Variants in GABRG3 observed in about 807,000 individuals in gnomAD.
The protein encoded by GABRG3 is gamma-aminobutyric acid receptor subunit gamma-3.
GABRG3 carries 25 observed loss-of-function variants against 48.8 expected under a neutral mutation model. The observed-to-expected ratio is 0.51, with a 90% CI of 0.37 to 0.72. The LOEUF is 0.72. GABRG3 is among the 30% of genes least tolerant of loss of function. The pLI, the probability that GABRG3 is intolerant of heterozygous loss-of-function variation, is 0.00. For synonymous variants in GABRG3, 227 were observed against 217.6 expected, an observed-to-expected ratio of 1.04 and a Z score of -0.38; for missense variants, 394 against 577.9, an observed-to-expected ratio of 0.68 and a Z score of 3.26.
chr15:27,175,827 G>C (rs1225582571), intron 3 of GABRG3, among the ~76,000 whole-genome samples: 5 of 152,136 alleles, frequency 3.3e-5, no homozygotes, highest in Non-Finnish European at 5.9e-5. Flanking sequence ...TAGTTCACCT[G>C]TAAGTGCTGG....
At chr15:27,241,787 A>G (rs1009496857) in intron 3 of GABRG3, among the ~76,000 whole-genome samples, 1 of 152,230 alleles carries the variant, frequency 6.6e-6, no homozygotes, top group Admixed American at 6.5e-5. Context: ...TTCTCACGCT[A>G]TGTCTCTTTC....
At chr15:27,353,182 C>G (rs1199346889) in intron 5 of GABRG3, among the ~76,000 whole-genome samples, 1 of 152,046 alleles carries the variant, frequency 6.6e-6, no homozygotes, top group African/African-American at 2.4e-5. Flanking sequence ...AGTAGACACA[C>G]TGGTCAGCTG....
intron 5 of GABRG3, among the ~76,000 whole-genome samples, chr15:27,353,855 T>TC (rs1894738489): frequency 1.3e-5 from 2 of 152,192 alleles, no homozygotes. Context: ...AGCCCTGGAC[T>TC]CCATTTTCTC....
At chr15:27,146,313 C>G (rs995213730) in intron 3 of GABRG3, among the ~76,000 whole-genome samples, 1 of 152,026 alleles carries the variant, frequency 6.6e-6, no homozygotes, top group Non-Finnish European at 1.5e-5. Flanking sequence ...AAAAGTTAGC[C>G]AGGTTTGATG....
Position 27,059,868 on chromosome 15 carries a change from G to C in GABRG3, c.270+33047G>C, listed in dbSNP as rs59251127. Among the ~76,000 whole-genome samples the C allele has an allele frequency of 4.1e-3, 630 of 152,292 alleles. 1 individual carries two copies. Among genetic ancestry groups the C allele is most frequent in the African/African-American group, 0.015 (618 of 41,564 alleles). On this transcript the variant is annotated intron_variant, in intron 3 of 9. Transcript: ENST00000615808. ...GGAGCTGGGAGTGCTCTTTCCTTAA[G>C]GATCTGTATTCTATTGTAGCAAAAG...
chr15:27,147,367 C>T (rs1244177174), intron 3 of GABRG3, among the ~76,000 whole-genome samples: 1 of 151,984 alleles, frequency 6.6e-6, no homozygotes, highest in East Asian at 1.9e-4. Context: ...TAGTGGTTGG[C>T]TTGTTCAATA....
At chr15:27,272,366 G>A (rs569979607) in intron 3 of GABRG3, among the ~76,000 whole-genome samples, 1 of 152,304 alleles carries the variant, frequency 6.6e-6, no homozygotes, top group African/African-American at 2.4e-5. Flanking sequence ...CCCAGACGGG[G>A]TTGTGTCATA....
chr15:27,036,111 T>C (rs1196003651), intron 3 of GABRG3, among the ~76,000 whole-genome samples: 2 of 152,236 alleles, frequency 1.3e-5, no homozygotes, highest in Non-Finnish European at 2.9e-5. Context: ...TCATGAGGCT[T>C]CAGTTTATTT....
Position 27,516,726 on chromosome 15 carries a change from AACTT to A in GABRG3, c.713-3242_713-3239del, listed in dbSNP as rs910655152. On this transcript the variant is annotated intron_variant, in intron 6 of 9. Transcript: ENST00000615808. ...TGGTGGTGGGAACTACCAGATATGG[AACTT>A]ACTAACTCTAAAATAAATGAATAAG... 7.2e-4 allele frequency among the ~76,000 whole-genome samples: 110 copies of A among 152,338 alleles called. 1 individual carries two copies. The highest frequency in any genetic ancestry group is 2.6e-3 in the African/African-American group (109 of 41,570).
At chr15:27,361,241 G>A (rs1595704105) in intron 5 of GABRG3, among the ~76,000 whole-genome samples, 1 of 152,294 alleles carries the variant, frequency 6.6e-6, no homozygotes, top group East Asian at 1.9e-4. Context: ...CAGAGCACTT[G>A]GAGTTGTGAA....
chr15:27,370,292 G>A (rs1895365836), intron 5 of GABRG3, among the ~76,000 whole-genome samples: 1 of 152,208 alleles, frequency 6.6e-6, no homozygotes, highest in African/African-American at 2.4e-5. Context: ...GGAATCTAAG[G>A]AGGATAGCAC....
At chr15:27,406,325 G>C (rs1887633139) in intron 5 of GABRG3, among the ~76,000 whole-genome samples, 1 of 152,134 alleles carries the variant, frequency 6.6e-6, no homozygotes, top group South Asian at 2.1e-4. Context: ...TCCCACATGA[G>C]TGTGGGCTGG....
intron 2 of GABRG3, among the ~76,000 whole-genome samples, chr15:27,002,735 C>A (rs1424801013): frequency 1.9e-5 from 2 of 105,804 alleles, no homozygotes; most frequent in Admixed American, 1.1e-4. Context: ...ATAGTGAGAC[C>A]GTGTCTCTCA....
intron 5 of GABRG3, among the ~76,000 whole-genome samples, chr15:27,442,266 C>G (rs1291137592): frequency 6.6e-6 from 1 of 152,204 alleles, no homozygotes; most frequent in African/African-American, 2.4e-5. Flanking sequence ...AAATCAGCTC[C>G]CCTTCATCTG....
chr15:27,130,926 A>AT (rs1206760103), intron 3 of GABRG3, among the ~76,000 whole-genome samples: 2 of 151,278 alleles, frequency 1.3e-5, no homozygotes, highest in Non-Finnish European at 3.0e-5. Context: ...CTTTGTTATT[A>AT]TTTTTTTTGG....
At chr15:27,415,569 G>T (rs1454459761) in intron 5 of GABRG3, among the ~76,000 whole-genome samples, 1 of 152,106 alleles carries the variant, frequency 6.6e-6, no homozygotes, top group East Asian at 1.9e-4. Context: ...CACTGCTCAG[G>T]TGATGAATGC....
At chr15:27,300,323 G>A (rs950305909) in intron 3 of GABRG3, among the ~76,000 whole-genome samples, 1 of 152,054 alleles carries the variant, frequency 6.6e-6, no homozygotes, top group Non-Finnish European at 1.5e-5. Flanking sequence ...ATGCCATTAT[G>A]AAGTATATGT....
intron 3 of GABRG3, among the ~76,000 whole-genome samples, chr15:27,318,436 T>C (rs1278768362): frequency 6.6e-6 from 1 of 151,936 alleles, no homozygotes; most frequent in African/African-American, 2.4e-5. Flanking sequence ...AGACTGTGAG[T>C]CCCACCTCCT....
intron 3 of GABRG3, among the ~76,000 whole-genome samples, chr15:27,292,428 TAAA>T (rs145757222): frequency 1.4e-5 from 2 of 147,114 alleles, no homozygotes; most frequent in African/African-American, 5.0e-5. Flanking sequence ...TAAAGTATGA[TAAA>T]AAAAAAATGA....
Sources: allele counts gnomAD v4.1 joint callset (sites outside exome capture counted in the v4.1 genomes callset), GRCh38; gene constraint gnomAD v4.1.1; transcripts MANE v1.5; gene names NCBI Gene and HGNC (gene_info 2026-07-23, HGNC 2026-07-21).